Variants in ANO2 observed in about 807,000 individuals in gnomAD.
ANO2 encodes the protein anoctamin-2.
A neutral mutation model predicts 124.2 loss-of-function variants in ANO2; 101 were observed. The ratio of observed to expected loss-of-function variants is 0.81; its 90% CI spans 0.69 to 0.96. The LOEUF is 0.96. Ranked by LOEUF, ANO2 falls within the 40% of genes least tolerant of loss-of-function variation. The pLI is 0.00. For missense variants in ANO2, 1,293 were observed against 1,274.5 expected (o/e 1.01, Z -0.22); for synonymous variants, 486 against 482.5 (o/e 1.01, Z -0.09).
At chr12:5,742,885 T>C (rs1233013083) in intron 12 of ANO2, among the ~76,000 whole-genome samples, 1 of 152,034 alleles carries the variant, frequency 6.6e-6, no homozygotes, top group African/African-American at 2.4e-5. Context: ...CAACCCTGCC[T>C]GTGAACAGTC....
intron 14 of ANO2, among the ~76,000 whole-genome samples, chr12:5,662,392 A>G (rs1316185110): frequency 1.3e-5 from 2 of 152,246 alleles, no homozygotes; most frequent in African/African-American, 2.4e-5. Context: ...GAAAAAAAAA[A>G]TGACATTTTG....
At chr12:5,736,805 T>C (rs1054397625) in intron 13 of ANO2, among the ~76,000 whole-genome samples, 7 of 152,190 alleles carry the variant, frequency 4.6e-5, no homozygotes, top group South Asian at 2.1e-4. Context: ...TCAAGATATC[T>C]TGTTGTTGCC....
At chr12:5,852,848 CGTGTGTGTGTGTGTGT>C (rs71445682) in intron 4 of ANO2, among the ~76,000 whole-genome samples, 7 of 123,880 alleles carry the variant, frequency 5.7e-5, no homozygotes, top group East Asian at 2.5e-4. Flanking sequence ...TGGAAAGGGA[CGTGTGTGTGTGTGTGT>C]GTGTGTGTGT....
At chr12:5,706,580 A>G (rs1949619264) in intron 14 of ANO2, among the ~76,000 whole-genome samples, 1 of 152,026 alleles carries the variant, frequency 6.6e-6, no homozygotes, top group Non-Finnish European at 1.5e-5. Context: ...CCACTGCCCC[A>G]TTTCTCTCTG....
At chr12:5,871,270 G>A (rs182965636) in intron 3 of ANO2, among the ~76,000 whole-genome samples, 7 of 152,196 alleles carry the variant, frequency 4.6e-5, no homozygotes, top group Non-Finnish European at 1.0e-4. Context: ...TCCCTCCTGG[G>A]GATATTTATA....
intron 14 of ANO2, among the ~76,000 whole-genome samples, chr12:5,707,850 T>C (rs1949670865): frequency 6.6e-6 from 1 of 152,216 alleles, no homozygotes; most frequent in Non-Finnish European, 1.5e-5. Context: ...TGATATGTTC[T>C]AAACAATATT....
chr12:5,738,333 C>CA (rs1555152488), intron 13 of ANO2, among the ~76,000 whole-genome samples: 1 of 152,242 alleles, frequency 6.6e-6, no homozygotes, highest in Non-Finnish European at 1.5e-5. Flanking sequence ...TAGTCCAAGG[C>CA]AATCACTGTA....
intron 14 of ANO2, among the ~76,000 whole-genome samples, chr12:5,719,110 C>T (rs1215279961): frequency 6.6e-6 from 1 of 152,206 alleles, no homozygotes; most frequent in African/African-American, 2.4e-5. Context: ...CACTTTAGGA[C>T]TTAGGAGACC....
At chr12:5,691,327 C>CAAAAAAAAAAAAAA (rs60573302) in intron 14 of ANO2, among the ~76,000 whole-genome samples, 1 of 86,994 alleles carries the variant, frequency 1.1e-5, no homozygotes. Flanking sequence ...GACTCCATCT[C>CAAAAAAAAAAAAAA]AAAAAAAAAA....
chr12:5,634,165 G>C (rs1945879225), intron 16 of ANO2, among the ~76,000 whole-genome samples: 1 of 152,214 alleles, frequency 6.6e-6, no homozygotes, highest in Non-Finnish European at 1.5e-5. Flanking sequence ...TGCCCCTGAG[G>C]ATGGTAAGCT....
At chr12:5,676,466 C>T (rs1948248338) in intron 14 of ANO2, among the ~76,000 whole-genome samples, 1 of 152,140 alleles carries the variant, frequency 6.6e-6, no homozygotes, top group African/African-American at 2.4e-5. Context: ...ATGTACAGTA[C>T]ATCTCGTTTT....
intron 14 of ANO2, among the ~76,000 whole-genome samples, chr12:5,662,687 A>G (rs572521728): frequency 6.6e-6 from 1 of 152,356 alleles, no homozygotes; most frequent in Non-Finnish European, 1.5e-5. Flanking sequence ...CTGGCCAAAA[A>G]AAGACGCTGC....
At chr12:5,600,819 G>A (rs1943904694) in intron 19 of ANO2, among the ~76,000 whole-genome samples, 1 of 152,188 alleles carries the variant, frequency 6.6e-6, no homozygotes. Context: ...TCATCTGGAT[G>A]TAGGAACCTC....
At chr12:5,831,978 G>T (rs1954167130) in intron 5 of ANO2, among the ~76,000 whole-genome samples, 3 of 152,184 alleles carry the variant, frequency 2.0e-5, no homozygotes, top group Admixed American at 6.5e-5. Flanking sequence ...AGGGTGCAGG[G>T]ACAGGGAAAG....
intron 19 of ANO2, among the ~76,000 whole-genome samples, chr12:5,607,858 T>C (rs1944297760): frequency 1.3e-5 from 2 of 152,242 alleles, no homozygotes; most frequent in South Asian, 4.1e-4. Context: ...AGCTCAGGTC[T>C]CCCACTGATT....
intron 3 of ANO2, among the ~76,000 whole-genome samples, chr12:5,854,977 T>C (rs1056282706): frequency 2.7e-5 from 4 of 146,166 alleles, no homozygotes; most frequent in African/African-American, 1.0e-4. Flanking sequence ...GGGGAAAAAA[T>C]ACTTTCTGAT....
chr12:5,887,030 T>C (rs183278960), intron 3 of ANO2, among the ~76,000 whole-genome samples: 2 of 152,352 alleles, frequency 1.3e-5, no homozygotes, highest in Non-Finnish European at 1.5e-5. Flanking sequence ...TGCGCTACAA[T>C]GTGAATGTAC....
intron 3 of ANO2, among the ~76,000 whole-genome samples, chr12:5,880,740 A>T (rs1938428652): frequency 6.6e-6 from 1 of 151,750 alleles, no homozygotes; most frequent in Admixed American, 6.6e-5. Context: ...TTTAGTAGAT[A>T]TTTGATAAAT....
At chr12:5,612,797 G>C (rs993264762) in intron 18 of ANO2, 41 bp from the exon 19 acceptor site, 6 of 1,610,282 alleles carry the variant, frequency 3.7e-6, no homozygotes, top group Non-Finnish European at 4.2e-6. Context: ...TAGAACAAAA[G>C]GGAGCTCTGA....
Sources: allele counts gnomAD v4.1 joint callset (sites outside exome capture counted in the v4.1 genomes callset), GRCh38; gene constraint gnomAD v4.1.1; transcripts MANE v1.5; gene names NCBI Gene and HGNC (gene_info 2026-07-23, HGNC 2026-07-21).